Variants in SLC38A8 observed in about 807,000 individuals in gnomAD.
SLC38A8 encodes amino acid transporter SLC38A8.
In SLC38A8, 65 loss-of-function variants were observed where a neutral mutation model predicts 46.0. That is an observed-to-expected ratio of 1.41 (90% CI 1.16 to 1.74). The LOEUF is 1.74. SLC38A8 is among the 40% of genes most tolerant of loss of function. The pLI is 0.00. For synonymous variants in SLC38A8, 447 were observed against 243.7 expected (o/e 1.83, Z -7.77); for missense variants, 998 against 567.9 (o/e 1.76, Z -7.70).
chr16:84,032,056 C>T (rs1048635260), intron 4 of SLC38A8, 88 bp from the exon 5 acceptor site: 10 of 1,149,450 alleles, frequency 8.7e-6, no homozygotes, highest in Non-Finnish European at 1.3e-5. Context: ...AATCCCAGCT[C>T]CGCCCTTGAC....
At chr16:84,030,231 C>G (rs945706441) in intron 5 of SLC38A8, among the ~76,000 whole-genome samples, 6 of 152,240 alleles carry the variant, frequency 3.9e-5, no homozygotes, top group Middle Eastern at 3.4e-3. Context: ...CAGGAAGAGA[C>G]AGGAAAGATC....
chr16:84,022,363 A>T (rs538273850), intron 7 of SLC38A8, among the ~76,000 whole-genome samples: 1 of 152,294 alleles, frequency 6.6e-6, no homozygotes, highest in East Asian at 1.9e-4. Flanking sequence ...TGCCTCCCAC[A>T]CACAGTTTGT....
chr16:84,032,425 G>T (rs996239999), intron 4 of SLC38A8, among the ~76,000 whole-genome samples: 1 of 152,214 alleles, frequency 6.6e-6, no homozygotes, highest in Non-Finnish European at 1.5e-5. Context: ...CTGACCTCGT[G>T]ATCTGCCTGC....
At chr16:84,028,710 C>G (rs1163779316) in intron 6 of SLC38A8, among the ~76,000 whole-genome samples, 1 of 133,536 alleles carries the variant, frequency 7.5e-6, no homozygotes, top group African/African-American at 2.7e-5. Context: ...CCGCCACCTT[C>G]CCCCCAGCGC....
chr16:84,033,447 G>T lies in SLC38A8; in HGVS notation c.411C>A (p.Gly137=). The change falls in exon 4 of 11, where the codon GGC becomes GGA. Residue 137 remains glycine (G), a synonymous_variant. Transcript: ENST00000299709. ...LEKLCDSLLS[G]TPPAPQPWYA... is the part of the protein sequence containing the mutation. ...ACCACGGCTGCGGGGCGGGCGGGGT[G>T]CCAGACAGGAGGGAGTCACACACTG... The T allele has an allele frequency of 6.2e-7, 1 of 1,609,286 alleles. No homozygotes were observed. The highest frequency in any genetic ancestry group is 8.5e-7 in the Non-Finnish European group (1 of 1,177,982).
At chr16:84,015,197 G>A (rs2085010645) in intron 9 of SLC38A8, among the ~76,000 whole-genome samples, 1 of 152,102 alleles carries the variant, frequency 6.6e-6, no homozygotes, top group African/African-American at 2.4e-5. Flanking sequence ...TGCTGTGTGT[G>A]GGGCCCTGGA....
At chr16:84,018,318 C>T (rs1043164182) in intron 7 of SLC38A8, among the ~76,000 whole-genome samples, 4 of 149,940 alleles carry the variant, frequency 2.7e-5, no homozygotes, top group African/African-American at 4.9e-5. Flanking sequence ...CTGCAAGCTC[C>T]GCCTCCTGGG....
chr16:84,013,460 C>T (rs1268862100), intron 9 of SLC38A8, among the ~76,000 whole-genome samples: 19 of 91,870 alleles, frequency 2.1e-4, no homozygotes, highest in South Asian at 2.0e-3. Context: ...GAGACGGAGT[C>T]TCACTCTGCT....
intron 3 of SLC38A8, among the ~76,000 whole-genome samples, chr16:84,036,291 G>C (rs959083596): frequency 6.6e-6 from 1 of 152,248 alleles, no homozygotes; most frequent in Non-Finnish European, 1.5e-5. Context: ...GCAAGATGCA[G>C]CTAAAGCAGT....
At chr16:84,016,876 A>C in intron 8 of SLC38A8, 149 bp from the exon 9 acceptor site, 1 of 1,067,028 alleles carries the variant, frequency 9.4e-7, no homozygotes. Context: ...AGACCTTGCC[A>C]ACCCTCAGGG....
intron 6 of SLC38A8, among the ~76,000 whole-genome samples, chr16:84,027,328 C>T (rs909237878): frequency 6.7e-5 from 9 of 133,596 alleles, no homozygotes; most frequent in Non-Finnish European, 1.1e-4. Context: ...CCAGCCTGGG[C>T]GACAGAGCAA....
chr16:84,035,657 AGAGAAC>A (rs2085292378), intron 3 of SLC38A8, among the ~76,000 whole-genome samples: 1 of 152,248 alleles, frequency 6.6e-6, no homozygotes, highest in Admixed American at 6.5e-5. Flanking sequence ...AAGAATGAGA[AGAGAAC>A]TTCTATACAA....
upstream of SLC38A8, among the ~76,000 whole-genome samples, chr16:84,042,872 C>CA (rs1555507130): frequency 1.3e-5 from 2 of 152,052 alleles, no homozygotes; most frequent in Non-Finnish European, 2.9e-5. Flanking sequence ...GGCCCGGCCC[C>CA]GGGGGTGGAG....
intron 4 of SLC38A8, 116 bp from the exon 5 acceptor site, chr16:84,032,084 G>A (rs113463766): frequency 0.061 from 52,306 of 860,628 alleles, 2,047 homozygotes; most frequent in Non-Finnish European, 0.074. Flanking sequence ...TGCTGGCCAA[G>A]CTGTCCACCT....
At position 84,029,537 on chromosome 16, in the gene SLC38A8, G is replaced by A. The variant is rs1409710892; in HGVS notation, c.647C>T (p.Thr216Ile). 5.0e-6 allele frequency: 8 copies of A among 1,614,022 alleles called. No homozygotes were observed. The highest frequency in any genetic ancestry group is 4.2e-6 in the Non-Finnish European group (5 of 1,180,012). Residue 216 changes from threonine (T) to isoleucine (I), a missense_variant, in exon 6 of 11, where the codon ACC becomes ATC. Coordinates refer to ENST00000299709, the MANE Select transcript of SLC38A8 (RefSeq NM_001080442.3). ...GGTGGGGAAGACACTGAACACAGAG[G>A]TCCAGGAGGCAGGGCTGTAAACAGA... is the stretch of plus-strand genomic sequence containing the variant. ...SHPSLSPASW[T>I]SVFSVFPTIC...
At chr16:84,013,158 G>A (rs1242003863) in intron 9 of SLC38A8, 106 bp from the exon 10 acceptor site, 32 of 1,252,740 alleles carry the variant, frequency 2.6e-5, no homozygotes, top group Middle Eastern at 2.4e-4. Flanking sequence ...CAAGGCCTCC[G>A]CCCATGGGTG....
intron 7 of SLC38A8, among the ~76,000 whole-genome samples, chr16:84,019,110 T>G (rs898284454): frequency 6.6e-6 from 1 of 151,920 alleles, no homozygotes; most frequent in Non-Finnish European, 1.5e-5. Context: ...AGATGGAGTC[T>G]GTCACCCAGG....
At chr16:84,012,265 C>T (rs1449982016) in intron 10 of SLC38A8, among the ~76,000 whole-genome samples, 1 of 152,230 alleles carries the variant, frequency 6.6e-6, no homozygotes, top group African/African-American at 2.4e-5. Flanking sequence ...TGAGGAAGCG[C>T]ACATCATTCA....
chr16:84,036,640 C>G, intron 3 of SLC38A8, 62 bp downstream of exon 3: 1 of 1,588,256 alleles, frequency 6.3e-7, no homozygotes, highest in Non-Finnish European at 8.6e-7. Flanking sequence ...CAACTGGAAA[C>G]TCCAAGAGGT....
Sources: gnomAD v4.1 joint callset for allele counts (sites outside exome capture counted in the v4.1 genomes callset) on GRCh38, gnomAD v4.1.1 for gene constraint, MANE v1.5 for transcripts, NCBI Gene and HGNC (gene_info 2026-07-23, HGNC 2026-07-21) for gene names.